CLEC16A: variants seen among roughly 807,000 people sequenced by gnomAD.
CLEC16A encodes the protein protein CLEC16A.
CLEC16A carries 51 observed loss-of-function variants against 109.5 expected under a neutral mutation model. That is an observed-to-expected ratio of 0.47 (90% CI 0.37 to 0.59). The LOEUF (loss-of-function observed/expected upper bound fraction) is 0.59. Among genes scored for constraint, CLEC16A ranks in the 20% least tolerant of loss-of-function variants. The pLI, the probability that CLEC16A is intolerant of heterozygous loss-of-function variation, is 0.00. For missense variants in CLEC16A, 1,339 were observed against 1,394.0 expected (o/e 0.96, Z 0.63); for synonymous variants, 673 against 564.2 (o/e 1.19, Z -2.73).
chr16:11,003,025 A>G (rs776580302), intron 10 of CLEC16A, 49 bp from the exon 11 acceptor site: 2 of 1,451,550 alleles, frequency 1.4e-6, no homozygotes, highest in Non-Finnish European at 1.9e-6. Flanking sequence ...AGCATCCAGC[A>G]GGATTCTAGT....
At chr16:11,170,795 G>A (rs143810885) in intron 23 of CLEC16A, among the ~76,000 whole-genome samples, 205 of 152,350 alleles carry the variant, frequency 1.3e-3, no homozygotes, top group African/African-American at 4.6e-3. Flanking sequence ...GCAGGCAGGC[G>A]GGGTGGCTGA....
chr16:10,990,882 A>G (rs1453285240), intron 10 of CLEC16A, among the ~76,000 whole-genome samples: 3 of 152,196 alleles, frequency 2.0e-5, no homozygotes, highest in East Asian at 3.9e-4. Flanking sequence ...TGGCATTGTT[A>G]GTTTTCATGA....
chr16:11,007,869 G>A (rs184460338), intron 11 of CLEC16A, among the ~76,000 whole-genome samples: 55 of 152,260 alleles, frequency 3.6e-4, no homozygotes, highest in African/African-American at 1.0e-3. Flanking sequence ...AGGCCCAGGC[G>A]CTGCAGTAGA....
intron 22 of CLEC16A, among the ~76,000 whole-genome samples, chr16:11,158,304 C>G (rs1260564965): frequency 6.6e-6 from 1 of 152,148 alleles, no homozygotes; most frequent in East Asian, 1.9e-4. Context: ...CTCAGGGCAC[C>G]CACGCCTCAT....
intron 22 of CLEC16A, among the ~76,000 whole-genome samples, chr16:11,158,443 A>C (rs1181829682): frequency 6.6e-6 from 1 of 152,252 alleles, no homozygotes; most frequent in Non-Finnish European, 1.5e-5. Context: ...TTCTTAGGGC[A>C]GGCAGCTCTC....
At chr16:11,033,912 C>T (rs1201136722) in intron 13 of CLEC16A, among the ~76,000 whole-genome samples, 1 of 152,204 alleles carries the variant, frequency 6.6e-6, no homozygotes, top group Admixed American at 6.5e-5. Flanking sequence ...ATCAAGTCCG[C>T]TGAGTCCTGG....
At chr16:10,952,213 G>A (rs1367383786) in intron 1 of CLEC16A, among the ~76,000 whole-genome samples, 4 of 152,298 alleles carry the variant, frequency 2.6e-5, no homozygotes, top group East Asian at 1.9e-4. Flanking sequence ...ATTAAAATGG[G>A]CCGGGTGAGT....
chr16:11,172,281 T>C (rs533381807), intron 23 of CLEC16A, among the ~76,000 whole-genome samples: 6 of 151,858 alleles, frequency 4.0e-5, no homozygotes, highest in African/African-American at 1.4e-4. Flanking sequence ...CACACACACA[T>C]ACCTGCACCT....
chr16:11,042,905 TTATA>T lies in CLEC16A; in HGVS notation c.1770+549_1770+552del, dbSNP rs930158794. On this transcript the variant is annotated intron_variant, in intron 15 of 23. Transcript: ENST00000409790. Reference sequence around the variant, plus strand: ...ATATTTAAGTATTATAAGCAAATAATTATATATATAAAGAAGTATATTTACATAT... The same window carrying T: ...ATATTTAAGTATTATAAGCAAATAATTATATAAAGAAGTATATTTACATAT... Among the ~76,000 whole-genome samples, 31 of 149,586 alleles carry T rather than the reference TTATA, an allele frequency of 2.1e-4. No individual in the cohort carries two copies. In the East Asian group the frequency reaches 2.3e-3, roughly 11 times the overall value.
At chr16:10,969,510 T>TA (rs925269987) in intron 4 of CLEC16A, among the ~76,000 whole-genome samples, 6 of 152,154 alleles carry the variant, frequency 3.9e-5, no homozygotes, top group Non-Finnish European at 7.4e-5. Context: ...ACCTTTCTAT[T>TA]AAAAAAATGT....
At chr16:11,020,556 C>G (rs1307042539) in intron 12 of CLEC16A, among the ~76,000 whole-genome samples, 2 of 41,586 alleles carry the variant, frequency 4.8e-5, no homozygotes, top group Non-Finnish European at 8.8e-5. Context: ...GATAGCGCAA[C>G]TCTCTCCCTG....
chr16:11,177,640 G>A (rs910964231), intron 23 of CLEC16A, among the ~76,000 whole-genome samples: 4 of 151,164 alleles, frequency 2.6e-5, no homozygotes, highest in Non-Finnish European at 5.9e-5. Context: ...AGAAATTGCT[G>A]CTCCAAGAAT....
At chr16:11,055,407 C>G (rs2048158346) in intron 18 of CLEC16A, among the ~76,000 whole-genome samples, 1 of 151,810 alleles carries the variant, frequency 6.6e-6, no homozygotes, top group South Asian at 2.1e-4. Flanking sequence ...AGGCACTTTC[C>G]AAACAGGGAA....
chr16:10,979,500 G>C, intron 9 of CLEC16A, 118 bp downstream of exon 9: 1 of 864,110 alleles, frequency 1.2e-6, no homozygotes. Context: ...CCATGCTGGA[G>C]TAAAATAACA....
chr16:11,139,183 G>T (rs1038534610), intron 22 of CLEC16A, among the ~76,000 whole-genome samples: 2 of 152,224 alleles, frequency 1.3e-5, no homozygotes, highest in East Asian at 1.9e-4. Context: ...TGACTAGAAG[G>T]GTCCCCAGGA....
chr16:11,135,831 C>A (rs763430766), intron 22 of CLEC16A, among the ~76,000 whole-genome samples: 4 of 152,262 alleles, frequency 2.6e-5, no homozygotes, highest in Non-Finnish European at 5.9e-5. Flanking sequence ...GGTGGCTTGG[C>A]CACACACCCC....
At chr16:11,114,343 C>T (rs1056350066) in intron 19 of CLEC16A, among the ~76,000 whole-genome samples, 1 of 152,090 alleles carries the variant, frequency 6.6e-6, no homozygotes, top group Admixed American at 6.6e-5. Context: ...AAGCCCCACC[C>T]CTGTAGAATT....
intron 19 of CLEC16A, among the ~76,000 whole-genome samples, chr16:11,099,301 C>T (rs191159639): frequency 6.6e-6 from 1 of 152,342 alleles, no homozygotes; most frequent in African/African-American, 2.4e-5. Context: ...CCCTCTAACC[C>T]TTCGCTGTCC....
chr16:10,999,097 T>C (rs2044505923), intron 10 of CLEC16A, among the ~76,000 whole-genome samples: 1 of 152,238 alleles, frequency 6.6e-6, no homozygotes, highest in Admixed American at 6.5e-5. Context: ...TTGTATTATG[T>C]ATCTATTTAT....
Sources: allele counts gnomAD v4.1 joint callset (sites outside exome capture counted in the v4.1 genomes callset), GRCh38; gene constraint gnomAD v4.1.1; transcripts MANE v1.5; gene names NCBI Gene and HGNC (gene_info 2026-07-23, HGNC 2026-07-21).